Variants in LIPC observed in about 807,000 individuals in gnomAD.
LIPC encodes lipase C, hepatic type, also known as hepatic triacylglycerol lipase.
A neutral mutation model predicts 50.7 loss-of-function variants in LIPC; 44 were observed. That is an observed-to-expected ratio of 0.87 (90% CI 0.68 to 1.11). LIPC has a LOEUF of 1.11. Among genes scored for constraint, LIPC ranks in the 50% most tolerant of loss-of-function variants. The pLI is 0.00. For synonymous variants in LIPC, 271 were observed against 256.4 expected (o/e 1.06, Z -0.54); for missense variants, 697 against 648.2 (o/e 1.08, Z -0.82).
chr15:58,567,278 T>TGTGTGC (rs1894404011), intron 8 of LIPC, among the ~76,000 whole-genome samples: 1 of 82,780 alleles, frequency 1.2e-5, no homozygotes. Context: ...TGTGTGTGTG[T>TGTGTGC]GTGTATATAT....
intron 1 of LIPC, among the ~76,000 whole-genome samples, chr15:58,465,825 C>T (rs1030507713): frequency 2.6e-5 from 4 of 152,188 alleles, no homozygotes; most frequent in African/African-American, 9.7e-5. Context: ...CTTCTCTACT[C>T]TCTCTGGTGT....
intron 1 of LIPC, among the ~76,000 whole-genome samples, chr15:58,484,643 C>T (rs1363225504): frequency 6.6e-6 from 1 of 152,254 alleles, no homozygotes; most frequent in African/African-American, 2.4e-5. Flanking sequence ...CACAGCCAGT[C>T]AGCTCCAGGT....
At position 58,545,991 on chromosome 15, in the gene LIPC, T is replaced by C. The variant is rs1893516393; in HGVS notation, c.808+16T>C. On this transcript the variant is annotated intron_variant, in intron 5 of 8. Coordinates refer to ENST00000299022, the MANE Select transcript of LIPC (RefSeq NM_000236.3). ...GGCTTCAATGGTGAGAATGAAGTCA[T>C]GGGCCGGGAGCACCGGCCTACATTT... The C allele has an allele frequency of 6.3e-7, 1 of 1,589,510 alleles. No individual in the cohort carries two copies. Among genetic ancestry groups the C allele is most frequent in the Non-Finnish European group, 8.6e-7 (1 of 1,157,700 alleles).
intron 2 of LIPC, among the ~76,000 whole-genome samples, chr15:58,539,565 C>T (rs1893253595): frequency 6.6e-6 from 1 of 152,130 alleles, no homozygotes; most frequent in Admixed American, 6.5e-5. Flanking sequence ...AATTTGAACC[C>T]TCCAGAGATT....
Position 58,538,647 on chromosome 15 carries a change from G to A in LIPC, c.273+130G>A, listed in dbSNP as rs138679411. ...TCCATGCATAATGTTTATGAAGCACGTTCTAATTTTCCAAGTGCTTCCCCA... is the reference window on the plus strand; with the variant it reads ...TCCATGCATAATGTTTATGAAGCACATTCTAATTTTCCAAGTGCTTCCCCA... On this transcript the variant is annotated intron_variant, in intron 2 of 8. Transcript: ENST00000299022. The A allele has an allele frequency of 4.4e-4, 398 of 911,830 alleles. 1 individual carries two copies. The African/African-American group carries it at 5.6e-3, about 13-fold the overall frequency. The allele number at this position is 911,830 out of a possible 1,614,324, so 56.5% of individuals were successfully genotyped here.
At chr15:58,502,284 G>C (rs1892008789) in intron 1 of LIPC, among the ~76,000 whole-genome samples, 2 of 152,098 alleles carry the variant, frequency 1.3e-5, no homozygotes, top group East Asian at 1.9e-4. Flanking sequence ...CTCTGCTCTG[G>C]AAACATTTCC....
At chr15:58,439,337 T>G (rs1226834829) in intron 1 of LIPC, among the ~76,000 whole-genome samples, 1 of 152,224 alleles carries the variant, frequency 6.6e-6, no homozygotes, top group Admixed American at 6.5e-5. Context: ...ATGATTTAAA[T>G]AATCAGAAAA....
intron 1 of LIPC, among the ~76,000 whole-genome samples, chr15:58,446,962 A>G (rs931619597): frequency 6.6e-6 from 1 of 151,980 alleles, no homozygotes. Context: ...AGCCTGGCCA[A>G]TATGGTGAAA....
At chr15:58,562,836 C>T (rs1479783725) in intron 7 of LIPC, among the ~76,000 whole-genome samples, 1 of 150,462 alleles carries the variant, frequency 6.6e-6, no homozygotes, top group Non-Finnish European at 1.5e-5. Flanking sequence ...CCATCTGCCT[C>T]GCCCTAAATC....
intron 1 of LIPC, among the ~76,000 whole-genome samples, chr15:58,492,278 C>G (rs1456460619): frequency 2.0e-5 from 3 of 152,132 alleles, no homozygotes; most frequent in African/African-American, 7.2e-5. Flanking sequence ...AAACCATGCT[C>G]TCTATGGCCA....
chr15:58,470,752 A>G (rs1894764025), intron 1 of LIPC, among the ~76,000 whole-genome samples: 1 of 152,150 alleles, frequency 6.6e-6, no homozygotes, highest in African/African-American at 2.4e-5. Context: ...GGTGCCAGCC[A>G]CCACACACAG....
chr15:58,478,102 ATC>A (rs1466861693), intron 1 of LIPC, among the ~76,000 whole-genome samples: 1 of 152,178 alleles, frequency 6.6e-6, no homozygotes, highest in Non-Finnish European at 1.5e-5. Flanking sequence ...TCCTAAAGCC[ATC>A]TCTGATAACT....
intron 1 of LIPC, among the ~76,000 whole-genome samples, chr15:58,437,925 A>G (rs1420793456): frequency 2.0e-5 from 3 of 152,110 alleles, no homozygotes; most frequent in Non-Finnish European, 4.4e-5. Context: ...GTCCTGCTGA[A>G]AGGTCCACCC....
At chr15:58,502,790 C>T (rs562686294) in intron 1 of LIPC, among the ~76,000 whole-genome samples, 1 of 152,206 alleles carries the variant, frequency 6.6e-6, no homozygotes, top group Admixed American at 6.5e-5. Context: ...TTCACTTACA[C>T]AGTCAAAGAG....
intron 8 of LIPC, 38 bp downstream of exon 8, chr15:58,563,761 G>T: frequency 6.5e-7 from 1 of 1,538,694 alleles, no homozygotes; most frequent in Non-Finnish European, 8.9e-7. Context: ...CGTCCATTAA[G>T]CACCCACTTG....
chr15:58,563,442 T>C (rs1894236908), intron 7 of LIPC, 63 bp from the exon 8 acceptor site: 2 of 1,354,554 alleles, frequency 1.5e-6, no homozygotes, highest in African/African-American at 2.9e-5. Flanking sequence ...CCTGAATGTG[T>C]GTGACCGTCA....
At chr15:58,445,715 GC>G (rs1235424512) in intron 1 of LIPC, among the ~76,000 whole-genome samples, 1 of 152,160 alleles carries the variant, frequency 6.6e-6, no homozygotes, top group East Asian at 1.9e-4. Flanking sequence ...CCAGCACGTG[GC>G]CTTGAACAAA....
At chr15:58,452,837 G>A (rs74399293) in intron 1 of LIPC, among the ~76,000 whole-genome samples, 2,873 of 152,290 alleles carry the variant, frequency 0.019, 84 homozygotes, top group African/African-American at 0.066. Flanking sequence ...GGGTACAGCT[G>A]GGGGACACAG....
chr15:58,512,949 C>T (rs1319045147), intron 1 of LIPC, among the ~76,000 whole-genome samples: 1 of 141,046 alleles, frequency 7.1e-6, no homozygotes, highest in Non-Finnish European at 1.5e-5. Flanking sequence ...GGGCAAAACA[C>T]AAAGCATCAA....
Sources: gnomAD v4.1 joint callset for allele counts (sites outside exome capture counted in the v4.1 genomes callset) on GRCh38, gnomAD v4.1.1 for gene constraint, MANE v1.5 for transcripts, NCBI Gene and HGNC (gene_info 2026-07-23, HGNC 2026-07-21) for gene names.